The following SLC30A9 variants were observed in gnomAD, a reference collection of about 807,000 sequenced individuals.
SLC30A9 encodes the protein solute carrier family 30 member 9, also known as proton-coupled zinc antiporter SLC30A9, mitochondrial.
In SLC30A9, 58 loss-of-function variants were observed where a neutral mutation model predicts 87.5. The observed-to-expected ratio is 0.66, with a 90% CI of 0.54 to 0.82. The LOEUF (loss-of-function observed/expected upper bound fraction) is 0.82, where lower values mean the gene tolerates loss of function less well. Among genes scored for constraint, SLC30A9 ranks in the 40% least tolerant of loss-of-function variants. The probability of loss-of-function intolerance (pLI) is 0.00; values close to 1 mark genes in which losing one functional copy is unlikely to be tolerated. For synonymous variants in SLC30A9, 234 were observed against 233.0 expected (o/e 1.00, Z -0.04); for missense variants, 557 against 679.1 (o/e 0.82, Z 2.00).
intron 16 of SLC30A9, 109 bp from the exon 17 acceptor site, chr4:42,078,103 T>G: frequency 1.7e-6 from 1 of 573,880 alleles, no homozygotes. Context: ...TTAAAAATGT[T>G]CATTAAACTT....
intron 4 of SLC30A9, among the ~76,000 whole-genome samples, chr4:42,021,923 T>C (rs1715967625): frequency 2.5e-5 from 1 of 39,648 alleles, no homozygotes; most frequent in African/African-American, 4.6e-5. Context: ...GCTAATTTTT[T>C]TTTTTTTTTT....
chr4:41,994,324 A>G (rs921092315), intron 1 of SLC30A9, among the ~76,000 whole-genome samples: 2 of 152,160 alleles, frequency 1.3e-5, no homozygotes, highest in African/African-American at 4.8e-5. Flanking sequence ...TACAGTACAC[A>G]TATACTTCTA....
intron 1 of SLC30A9, among the ~76,000 whole-genome samples, chr4:41,995,617 T>C (rs532957660): frequency 3.9e-5 from 6 of 152,232 alleles, no homozygotes; most frequent in South Asian, 2.1e-4. Context: ...AGCCTAGGCA[T>C]GAAAGATGAA....
At chr4:42,021,020 T>C (rs1715924023) in intron 4 of SLC30A9, among the ~76,000 whole-genome samples, 1 of 152,228 alleles carries the variant, frequency 6.6e-6, no homozygotes, top group Middle Eastern at 3.2e-3. Context: ...ATTGAAATTA[T>C]GTTAGTCACA....
At chr4:42,076,183 T>A (rs1718543922) in intron 16 of SLC30A9, among the ~76,000 whole-genome samples, 1 of 152,210 alleles carries the variant, frequency 6.6e-6, no homozygotes, top group African/African-American at 2.4e-5. Flanking sequence ...TCCATTTTTT[T>A]ATTAAGAATA....
At chr4:42,019,065 T>C (rs1715834117) in intron 3 of SLC30A9, among the ~76,000 whole-genome samples, 1 of 152,196 alleles carries the variant, frequency 6.6e-6, no homozygotes, top group Admixed American at 6.5e-5. Flanking sequence ...TTTCAAATAT[T>C]CTTATTACAT....
intron 3 of SLC30A9, among the ~76,000 whole-genome samples, chr4:42,018,875 C>G (rs776490823): frequency 6.6e-6 from 1 of 151,794 alleles, no homozygotes; most frequent in Non-Finnish European, 1.5e-5. Context: ...CATTATCATC[C>G]TCACCTTCAT....
chr4:42,074,331 G>A (rs990069092), intron 15 of SLC30A9, among the ~76,000 whole-genome samples: 2 of 152,164 alleles, frequency 1.3e-5, no homozygotes, highest in Non-Finnish European at 2.9e-5. Flanking sequence ...GGAGTCTTAC[G>A]TAGGCTTGTT....
intron 1 of SLC30A9, among the ~76,000 whole-genome samples, chr4:41,997,047 A>C (rs1310709679): frequency 1.3e-5 from 2 of 151,142 alleles, no homozygotes; most frequent in Non-Finnish European, 3.0e-5. Flanking sequence ...TAAATAAATA[A>C]ATAAATAAAT....
intron 15 of SLC30A9, 83 bp downstream of exon 15, chr4:42,070,774 A>T: frequency 8.4e-7 from 1 of 1,192,148 alleles, no homozygotes; most frequent in Non-Finnish European, 1.1e-6. Context: ...ATACTTCCAG[A>T]GGAAGTTTTG....
At chr4:42,025,596 A>G (rs1355737343) in intron 6 of SLC30A9, among the ~76,000 whole-genome samples, 1 of 152,204 alleles carries the variant, frequency 6.6e-6, no homozygotes, top group Admixed American at 6.5e-5. Context: ...GCATTTTCAA[A>G]AGTTTGAAGG....
rs1216550916 is a variant in SLC30A9, at chr4:42,063,051, G to T, written c.962G>T (p.Gly321Val). 1 of 1,612,986 alleles carries T rather than the reference G, an allele frequency of 6.2e-7. No individual in the cohort carries two copies. Among genetic ancestry groups the T allele is most frequent in the Admixed American group, 1.7e-5 (1 of 59,994 alleles). ...AGTGGTGTTGGTATTTTCATGATGG[G>T]TGCAGGACTATCTTGGTACCATGGA... ...LISGVGIFMMGAGLSWYHGVM... is the reference protein window; with the variant it reads ...LISGVGIFMMVAGLSWYHGVM... Residue 321 changes from glycine to valine, a missense_variant, in exon 11 of 18, where the codon GGT becomes GTT. Coordinates refer to ENST00000264451, the MANE Select transcript of SLC30A9 (RefSeq NM_006345.4).
intron 2 of SLC30A9, among the ~76,000 whole-genome samples, chr4:42,002,426 C>G (rs1466419892): frequency 1.3e-5 from 2 of 151,896 alleles, no homozygotes; most frequent in East Asian, 1.9e-4. Flanking sequence ...TGCCCTCTCT[C>G]TCTCTCCCTC....
intron 11 of SLC30A9, among the ~76,000 whole-genome samples, chr4:42,063,988 GA>G (rs548404565): frequency 2.6e-5 from 4 of 152,154 alleles, no homozygotes; most frequent in Non-Finnish European, 5.9e-5. Context: ...CTTTCTGTGG[GA>G]GTGCAGGTTT....
intron 2 of SLC30A9, among the ~76,000 whole-genome samples, chr4:42,007,162 G>T (rs1466728758): frequency 1.3e-5 from 2 of 152,106 alleles, no homozygotes; most frequent in Admixed American, 6.5e-5. Flanking sequence ...TAAAGGAGTA[G>T]ATGACCTTAA....
At chr4:42,026,914 A>G (rs972929104) in intron 6 of SLC30A9, among the ~76,000 whole-genome samples, 7 of 152,322 alleles carry the variant, frequency 4.6e-5, no homozygotes, top group East Asian at 1.9e-4. Context: ...GTTTATTTCT[A>G]GAAGTCTAAT....
At chr4:42,029,825 T>C (rs1716347244) in intron 6 of SLC30A9, 1 of 726,136 alleles carries the variant, frequency 1.4e-6, no homozygotes, top group African/African-American at 1.7e-5. Flanking sequence ...TGATGAAGTA[T>C]AACGCATCTG....
chr4:42,081,454 C>T lies in SLC30A9; in HGVS notation c.1662+3129C>T, dbSNP rs182447595. Among the ~76,000 whole-genome samples the T allele has an allele frequency of 3.2e-3, 487 of 152,216 alleles. 1 individual carries two copies. The highest frequency in any genetic ancestry group is 0.011 in the African/African-American group (467 of 41,534). ...GGAAATGTCAGCATAGTAAAAAAAGCAAAGAATGTCTTACAGTTACTGTGA... is the reference window on the plus strand; with the variant it reads ...GGAAATGTCAGCATAGTAAAAAAAGTAAAGAATGTCTTACAGTTACTGTGA... On this transcript the variant is annotated intron_variant, in intron 17 of 17. Coordinates refer to ENST00000264451, the MANE Select transcript of SLC30A9 (RefSeq NM_006345.4).
intron 14 of SLC30A9, among the ~76,000 whole-genome samples, chr4:42,069,822 C>G (rs1718235189): frequency 6.6e-6 from 1 of 152,166 alleles, no homozygotes. Context: ...TCAGAATCAC[C>G]TGAAGGGCTT....
Sources: gnomAD v4.1 joint callset for allele counts (sites outside exome capture counted in the v4.1 genomes callset) on GRCh38, gnomAD v4.1.1 for gene constraint, MANE v1.5 for transcripts, NCBI Gene and HGNC (gene_info 2026-07-23, HGNC 2026-07-21) for gene names.